Variants in PDIA6 observed in about 807,000 individuals in gnomAD.
PDIA6 encodes protein disulfide isomerase family A member 6.
Under a neutral mutation model 58.4 loss-of-function variants are expected in PDIA6, and 29 were observed. That is an observed-to-expected ratio of 0.50 (90% CI 0.37 to 0.68). The LOEUF is 0.68. PDIA6 is among the 30% of genes least tolerant of loss of function. PDIA6 has a pLI of 0.00. For synonymous variants in PDIA6, 192 were observed against 202.6 expected (o/e 0.95, Z 0.44); for missense variants, 480 against 551.0 (o/e 0.87, Z 1.29).
chr2:10,786,117 G>A (rs922084317), intron 11 of PDIA6, among the ~76,000 whole-genome samples: 3 of 151,984 alleles, frequency 2.0e-5, no homozygotes, highest in African/African-American at 7.2e-5. Flanking sequence ...GAGGTCAGGG[G>A]TTTGAGACCC....
chr2:10,833,430 C>T (rs762972058), upstream of PDIA6, among the ~76,000 whole-genome samples: 3 of 152,178 alleles, frequency 2.0e-5, no homozygotes, highest in Non-Finnish European at 2.9e-5. Flanking sequence ...TGTGTCCCCA[C>T]CCCCTCTGGG....
At chr2:10,836,139 A>G (rs1667828128), upstream of PDIA6, among the ~76,000 whole-genome samples, 1 of 152,006 alleles carries the variant, frequency 6.6e-6, no homozygotes, top group Non-Finnish European at 1.5e-5. Context: ...TGGGGGTGCC[A>G]CCACCAGTGA....
upstream of PDIA6, among the ~76,000 whole-genome samples, chr2:10,837,138 G>C (rs1213349991): frequency 2.0e-5 from 3 of 152,154 alleles, no homozygotes; most frequent in African/African-American, 7.2e-5. Flanking sequence ...CTCTGTCCCT[G>C]CCTCTGTTCT....
At chr2:10,792,058 G>T in intron 5 of PDIA6, 133 bp from the exon 6 acceptor site, 1 of 961,560 alleles carries the variant, frequency 1.0e-6, no homozygotes, top group Non-Finnish European at 1.5e-6. Flanking sequence ...AGTGAAAACG[G>T]TTGTATTCAA....
At chr2:10,796,803 G>A (rs535149719) in intron 4 of PDIA6, among the ~76,000 whole-genome samples, 2 of 152,154 alleles carry the variant, frequency 1.3e-5, no homozygotes, top group South Asian at 4.2e-4. Context: ...ACAAGTGACT[G>A]TAATGAGAAA....
chr2:10,809,761 C>G (rs185554243), intron 1 of PDIA6, among the ~76,000 whole-genome samples: 282 of 150,554 alleles, frequency 1.9e-3, no homozygotes, highest in African/African-American at 6.6e-3. Flanking sequence ...TTGGTACTTG[C>G]TCAGTACACT....
chr2:10,796,934 G>A (rs1666291317), intron 4 of PDIA6, 147 bp downstream of exon 4: 2 of 684,524 alleles, frequency 2.9e-6, no homozygotes, highest in African/African-American at 1.8e-5. Context: ...ATGACTCGGA[G>A]GGTATAGGAA....
upstream of PDIA6, among the ~76,000 whole-genome samples, chr2:10,835,772 C>T (rs192089723): frequency 6.6e-6 from 1 of 152,324 alleles, no homozygotes; most frequent in African/African-American, 2.4e-5. Flanking sequence ...AGAGAGGGGG[C>T]CGGGCGCGGT....
chr2:10,791,004 CCACT>C (rs1666010346), intron 6 of PDIA6, among the ~76,000 whole-genome samples, 171 bp from the exon 7 acceptor site: 1 of 151,932 alleles, frequency 6.6e-6, no homozygotes, highest in Admixed American at 6.6e-5. Context: ...GTGCCACCAC[CCACT>C]GTTAATTTCT....
intron 2 of PDIA6, among the ~76,000 whole-genome samples, chr2:10,818,530 A>T (rs1260948525): frequency 2.9e-5 from 3 of 103,642 alleles, no homozygotes; most frequent in South Asian, 3.1e-4. Flanking sequence ...TTATTTATTT[A>T]TTTATTTTGA....
chr2:10,818,044 T>C (rs966621414), intron 2 of PDIA6, among the ~76,000 whole-genome samples: 1 of 152,208 alleles, frequency 6.6e-6, no homozygotes, highest in Admixed American at 6.5e-5. Flanking sequence ...GACTTTCTCA[T>C]TCATTCTGAG....
At chr2:10,800,912 T>A (rs909230074) in intron 2 of PDIA6, among the ~76,000 whole-genome samples, 2 of 152,062 alleles carry the variant, frequency 1.3e-5, no homozygotes, top group African/African-American at 4.8e-5. Context: ...TGCCTGACCG[T>A]AAAAGTTTTA....
At chr2:10,809,599 T>G (rs796476078) in intron 1 of PDIA6, among the ~76,000 whole-genome samples, 1 of 122,454 alleles carries the variant, frequency 8.2e-6, no homozygotes, top group African/African-American at 3.1e-5. Flanking sequence ...CAGAGGCTGA[T>G]GTGGGAGGAT....
intron 2 of PDIA6, among the ~76,000 whole-genome samples, chr2:10,800,503 C>T (rs1666456933): frequency 6.7e-6 from 1 of 148,956 alleles, no homozygotes. Flanking sequence ...TTTAATATTT[C>T]AATAATCATA....
intron 1 of PDIA6, among the ~76,000 whole-genome samples, chr2:10,807,392 C>T (rs1666809326): frequency 6.6e-6 from 1 of 152,092 alleles, no homozygotes; most frequent in South Asian, 2.1e-4. Context: ...TTTGTAGAGA[C>T]AGGGTCTCCC....
intron 1 of PDIA6, among the ~76,000 whole-genome samples, chr2:10,830,193 C>T (rs1217514680): frequency 2.0e-5 from 3 of 152,200 alleles, no homozygotes; most frequent in South Asian, 2.1e-4. Flanking sequence ...AGTGTGGGTG[C>T]GCAGCTTCAA....
chr2:10,820,862 C>T (rs978562166), intron 1 of PDIA6: 1 of 702,822 alleles, frequency 1.4e-6, no homozygotes, highest in African/African-American at 1.7e-5. Flanking sequence ...GGTCTCTTCT[C>T]ATGGATGCTG....
chr2:10,837,647 C>G, exon 1 of PDIA6: 1 of 1,403,444 alleles, frequency 7.1e-7, no homozygotes, highest in Non-Finnish European at 9.7e-7. Flanking sequence ...GCAGCTTGTT[C>G]AGGGGCTCCA....
rs566502002 is a variant in PDIA6, at chr2:10,794,840, T to C, written c.347-1638A>G. On this transcript the variant is annotated intron_variant, in intron 4 of 12. Coordinates refer to ENST00000272227, the MANE Select transcript of PDIA6 (RefSeq NM_005742.4). ...TACTCAGGAGGCTGAGGCAGGAGAATTGCTTGAACCCAGGAGGCGGAGGTT... is the reference window on the plus strand; with the variant it reads ...TACTCAGGAGGCTGAGGCAGGAGAACTGCTTGAACCCAGGAGGCGGAGGTT... 9.2e-5 allele frequency among the ~76,000 whole-genome samples: 14 copies of C among 152,124 alleles called. No homozygotes were observed. In the South Asian group the frequency reaches 2.9e-3, roughly 32 times the overall value.
Sources: allele counts gnomAD v4.1 joint callset (sites outside exome capture counted in the v4.1 genomes callset), GRCh38; gene constraint gnomAD v4.1.1; transcripts MANE v1.5; gene names NCBI Gene and HGNC (gene_info 2026-07-23, HGNC 2026-07-21).